The following SHANK2 variants were observed in gnomAD, a reference collection of about 807,000 sequenced individuals.
SHANK2 encodes SH3 and multiple ankyrin repeat domains 2, also known as SH3 and multiple ankyrin repeat domains protein 2.
SHANK2 carries 43 observed loss-of-function variants against 133.7 expected under a neutral mutation model. The observed-to-expected ratio is 0.32, with a 90% CI of 0.25 to 0.41. SHANK2 has a LOEUF of 0.41. SHANK2 is among the 10% of genes least tolerant of loss of function. The pLI, the probability that SHANK2 is intolerant of heterozygous loss-of-function variation, is 1.00. For synonymous variants in SHANK2, 1,017 were observed against 952.8 expected (o/e 1.07, Z -1.24); for missense variants, 1,994 against 2,235.8 (o/e 0.89, Z 2.18).
rs1555094988 is a variant in SHANK2 at position 71,094,659 on chromosome 11, C to T, written c.622G>A (p.Asp208Asn). Residue 208 changes from aspartate to asparagine, a missense_variant, in exon 7 of 26, where the codon GAC (aspartate) becomes AAC (asparagine). Around this residue, in one of 5 missense-constraint regions of SHANK2, gnomAD observed 653 missense variants for 563.4 expected, o/e 1.16. Transcript: ENST00000601538. ...ETPLTLAAQL[D>N]DSVEVIKALK... ...GCTTTGATGACCTCCACAGAGTCGT[C>T]CAGCTGAGCGGCTAAGGTCAGGGGG... 1.2e-5 allele frequency: 19 copies of T among 1,551,740 alleles called. No homozygotes were observed. The South Asian group carries it at 2.1e-4, about 17-fold the overall frequency.
At chr11:71,113,523 C>T (rs1474591142) in intron 4 of SHANK2, among the ~76,000 whole-genome samples, 159 bp from the exon 5 acceptor site, 6 of 152,206 alleles carry the variant, frequency 3.9e-5, no homozygotes, top group Non-Finnish European at 4.4e-5. Flanking sequence ...CACCCCAGAG[C>T]CTACAACATC....
chr11:70,820,467 T>C lies in SHANK2; in HGVS notation c.1390A>G (p.Ile464Val), dbSNP rs782515461. The C allele has an allele frequency of 4.2e-6, 3 of 716,568 alleles. No homozygotes were observed. Among genetic ancestry groups the C allele is most frequent in the South Asian group, 3.0e-5 (2 of 67,528 alleles). 44.4% of individuals were successfully genotyped at this position (716,568 alleles called of 1,614,324 possible). A position where few individuals can be genotyped will look rare whatever the true frequency, so the allele number is the denominator to read the frequency against. ...PSKPEGAAKT[I>V]GSYVPGPRSR... Reference sequence around the variant, plus strand: ...CGGGGCCCGGGCACGTAGCTCCCAATGGTCTTCGCGGCCCCCTCGGGCTTG... The same window carrying C: ...CGGGGCCCGGGCACGTAGCTCCCAACGGTCTTCGCGGCCCCCTCGGGCTTG... Residue 464 changes from isoleucine to valine, a missense_variant, in exon 12 of 26, where the codon ATT (isoleucine) becomes GTT (valine). Transcript: ENST00000601538.
At chr11:71,130,344 C>A (rs1952276885) in intron 3 of SHANK2, among the ~76,000 whole-genome samples, 1 of 152,136 alleles carries the variant, frequency 6.6e-6, no homozygotes, top group Non-Finnish European at 1.5e-5. Context: ...CGAAAAGTAT[C>A]CGGCCTGCCA....
chr11:71,089,446 A>AGT (rs1262578229), intron 8 of SHANK2, among the ~76,000 whole-genome samples: 4,784 of 151,220 alleles, frequency 0.032, 256 homozygotes, highest in African/African-American at 0.11. Flanking sequence ...CGTGCGTGCG[A>AGT]GTGTGTGTGT....
intron 17 of SHANK2, among the ~76,000 whole-genome samples, chr11:70,650,920 A>C (rs980308066): frequency 6.6e-6 from 1 of 152,226 alleles, no homozygotes; most frequent in African/African-American, 2.4e-5. Context: ...TTCAGAAATG[A>C]ATGAGTGAAG....
intron 6 of SHANK2, among the ~76,000 whole-genome samples, chr11:71,103,015 G>A (rs1951741442): frequency 6.6e-6 from 1 of 152,244 alleles, no homozygotes; most frequent in Non-Finnish European, 1.5e-5. Context: ...CAAAGTGGAA[G>A]GAGCGAGGGA....
intron 8 of SHANK2, among the ~76,000 whole-genome samples, chr11:71,085,744 T>C (rs1307542713): frequency 4.3e-4 from 32 of 73,898 alleles, no homozygotes; most frequent in Non-Finnish European, 6.9e-4. Flanking sequence ...ATATATTATA[T>C]AATATATTAT....
intron 14 of SHANK2, among the ~76,000 whole-genome samples, chr11:70,768,701 G>A (rs1947178259): frequency 6.6e-6 from 1 of 152,222 alleles, no homozygotes; most frequent in African/African-American, 2.4e-5. Context: ...CCCTCATCAG[G>A]AGAAACAAGG....
At chr11:70,906,817 G>C (rs1012179017) in intron 10 of SHANK2, among the ~76,000 whole-genome samples, 13 of 152,296 alleles carry the variant, frequency 8.5e-5, no homozygotes, top group African/African-American at 3.1e-4. Context: ...ACCAAGGTCA[G>C]GGGTCGCCGA....
At position 71,112,316 on chromosome 11, in the gene SHANK2, C is replaced by T. The variant is rs1048191493; in HGVS notation, c.483+977G>A. Among the ~76,000 whole-genome samples the T allele has an allele frequency of 5.3e-5, 8 of 152,314 alleles. 1 individual carries two copies. The highest frequency in any genetic ancestry group is 1.9e-4 in the African/African-American group (8 of 41,578). On this transcript the variant is annotated intron_variant, in intron 5 of 25. Coordinates refer to ENST00000601538, the MANE Select transcript of SHANK2 (RefSeq NM_012309.5). ...GCTGACGCAGAAGGATCGCTTGAAC[C>T]CGAGAGGCGGAGGTTGCAGTGAGCC...
At chr11:70,651,990 T>C (rs1555010251) in intron 17 of SHANK2, among the ~76,000 whole-genome samples, 1 of 152,132 alleles carries the variant, frequency 6.6e-6, no homozygotes, top group African/African-American at 2.4e-5. Context: ...GCTAGAGAAA[T>C]GTGAGCTGTG....
chr11:70,707,006 T>A (rs1210606111), intron 14 of SHANK2, among the ~76,000 whole-genome samples: 2 of 152,100 alleles, frequency 1.3e-5, no homozygotes, highest in Non-Finnish European at 2.9e-5. Context: ...CAAAGAAATT[T>A]ACTAAGACAC....
chr11:70,826,735 ACGGGCTGC>A, intron 11 of SHANK2: 1 of 315,380 alleles, frequency 3.2e-6, no homozygotes, highest in Non-Finnish European at 6.4e-6. Flanking sequence ...CTGCACGTAG[ACGGGCTGC>A]TCTCAAACCC....
intron 17 of SHANK2, among the ~76,000 whole-genome samples, chr11:70,552,041 A>G (rs2059777023): frequency 6.6e-6 from 1 of 152,226 alleles, no homozygotes; most frequent in Admixed American, 6.5e-5. Context: ...TGAAACTTAA[A>G]TGCGATGAGT....
In SHANK2 at chr11:71,077,859, C is replaced by T. The variant is rs889087519; in HGVS notation, c.913-2584G>A. ...GTTACAAATACAGTACAGGAGAAAA[C>T]TAGAATATGCCTTGTGGTGTTGGCT... On this transcript the variant is annotated intron_variant, in intron 8 of 25. Transcript: ENST00000601538. Among the ~76,000 whole-genome samples the T allele has an allele frequency of 2.6e-3, 394 of 152,268 alleles. 1 individual carries two copies. Among genetic ancestry groups the T allele is most frequent in the Admixed American group, 8.9e-3 (136 of 15,288 alleles).
At chr11:70,885,726 T>C (rs182571078) in intron 11 of SHANK2, among the ~76,000 whole-genome samples, 16 of 152,260 alleles carry the variant, frequency 1.1e-4, no homozygotes, top group South Asian at 1.0e-3. Flanking sequence ...GGGAGCACCA[T>C]GTACACAGCA....
chr11:70,593,219 T>A (rs187214305), intron 17 of SHANK2, among the ~76,000 whole-genome samples: 38 of 152,356 alleles, frequency 2.5e-4, no homozygotes, highest in African/African-American at 3.4e-4. Flanking sequence ...ATTCTATAAT[T>A]TCTCAGCAGT....
chr11:70,488,817 T>C (rs1185766053), intron 24 of SHANK2, among the ~76,000 whole-genome samples: 1 of 152,170 alleles, frequency 6.6e-6, no homozygotes, highest in East Asian at 1.9e-4. Flanking sequence ...TATGTGGATG[T>C]TGAATGTGTG....
intron 15 of SHANK2, among the ~76,000 whole-genome samples, chr11:70,671,683 C>T (rs1364787261): frequency 6.6e-6 from 1 of 152,186 alleles, no homozygotes; most frequent in African/African-American, 2.4e-5. Flanking sequence ...GTGTGTTAGC[C>T]AACAAGGAGA....
Sources: allele counts gnomAD v4.1 joint callset (sites outside exome capture counted in the v4.1 genomes callset), GRCh38; gene constraint gnomAD v4.1.1; regional missense constraint gnomAD v4.1.1; transcripts MANE v1.5; gene names NCBI Gene and HGNC (gene_info 2026-07-23, HGNC 2026-07-21).